GOPC: variants seen among roughly 807,000 people sequenced by gnomAD.
GOPC encodes the protein golgi associated PDZ and coiled-coil motif containing.
A neutral mutation model predicts 51.2 loss-of-function variants in GOPC; 32 were observed. The observed-to-expected ratio is 0.63, with a 90% CI of 0.47 to 0.84. The LOEUF (loss-of-function observed/expected upper bound fraction) is 0.84, where lower values mean the gene tolerates loss of function less well. Ranked by LOEUF, GOPC falls within the 40% of genes least tolerant of loss-of-function variation. The pLI, the probability that GOPC is intolerant of heterozygous loss-of-function variation, is 0.00. For synonymous variants in GOPC, 190 were observed against 205.1 expected (o/e 0.93, Z 0.63); for missense variants, 441 against 555.5 (o/e 0.79, Z 2.07).
intron 1 of GOPC, among the ~76,000 whole-genome samples, chr6:117,601,459 T>A (rs1010739788): frequency 3.3e-5 from 5 of 152,166 alleles, no homozygotes; most frequent in African/African-American, 1.2e-4. Flanking sequence ...CAACCAACTA[T>A]GGATGTAAAC....
chr6:117,568,199 C>G (rs930312303), intron 7 of GOPC, among the ~76,000 whole-genome samples: 3 of 151,528 alleles, frequency 2.0e-5, no homozygotes, highest in African/African-American at 7.3e-5. Context: ...GATCCTGGCT[C>G]CAAAAAAGAA....
At chr6:117,570,293 A>T (rs1352339776) in intron 6 of GOPC, among the ~76,000 whole-genome samples, 2 of 152,214 alleles carry the variant, frequency 1.3e-5, no homozygotes, top group South Asian at 4.2e-4. Context: ...TTATTATAAG[A>T]AACATTTCTA....
chr6:117,582,523 T>A (rs1464509976), intron 1 of GOPC, among the ~76,000 whole-genome samples: 1 of 151,410 alleles, frequency 6.6e-6, no homozygotes, highest in African/African-American at 2.4e-5. Context: ...CCCCCCATCC[T>A]GTGCCAGTAA....
At chr6:117,570,234 TA>T (rs554562772) in intron 6 of GOPC, among the ~76,000 whole-genome samples, 176 of 137,012 alleles carry the variant, frequency 1.3e-3, no homozygotes, top group Admixed American at 1.8e-3. Flanking sequence ...AGGCAGCACA[TA>T]AAAAAAAAAA....
chr6:117,593,705 A>G (rs1255290137), intron 1 of GOPC, among the ~76,000 whole-genome samples: 2 of 152,224 alleles, frequency 1.3e-5, no homozygotes, highest in Non-Finnish European at 2.9e-5. Flanking sequence ...AAGACTCAGA[A>G]GAGAGGTTGG....
In GOPC at chr6:117,573,529, C is replaced by A. The variant is rs1260790531; in HGVS notation, c.754G>T (p.Val252Leu). 5.6e-6 allele frequency: 9 copies of A among 1,614,044 alleles called. No individual in the cohort carries two copies. The highest frequency in any genetic ancestry group is 7.6e-6 in the Non-Finnish European group (9 of 1,179,984). The change falls in exon 5 of 9, where the codon GTG becomes TTG. Residue 252 changes from valine to leucine, a missense_variant. By Grantham distance (32) the Val-to-Leu change is conservative. Around this residue, in one of 3 missense-constraint regions of GOPC, gnomAD observed 166 missense variants for 267.0 expected, o/e 0.62. Transcript: ENST00000368498. ...TTACGTCCTCTGCAGGCTCGGATCACAGTTTTGTGACGATGCAAATGTATT... is the reference window on the plus strand; with the variant it reads ...TTACGTCCTCTGCAGGCTCGGATCAAAGTTTTGTGACGATGCAAATGTATT... ...AEIHLHRHKT[V>L]IRACRGRNDL...
chr6:117,581,665 T>A (rs748794061), intron 1 of GOPC, among the ~76,000 whole-genome samples: 1 of 152,214 alleles, frequency 6.6e-6, no homozygotes, highest in Non-Finnish European at 1.5e-5. Flanking sequence ...TGCACTTCAT[T>A]TTCAGCAATA....
intron 3 of GOPC, 80 bp downstream of exon 3, chr6:117,577,368 G>T: frequency 7.9e-7 from 1 of 1,266,248 alleles, no homozygotes; most frequent in South Asian, 1.4e-5. Context: ...TACAATGAGT[G>T]ACAACATATA....
At position 117,569,658 on chromosome 6, in the gene GOPC, G is replaced by A; in HGVS notation, c.991C>T (p.His331Tyr). The A allele has an allele frequency of 6.2e-7, 1 of 1,612,442 alleles. No individual in the cohort carries two copies. The highest frequency in any genetic ancestry group is 8.5e-7 in the Non-Finnish European group (1 of 1,179,476). The change falls in exon 7 of 9, where the codon CAC becomes TAC. Residue 331 changes from histidine (H) to tyrosine (Y), a missense_variant. Physicochemically the swap from His to Tyr is moderately conservative, Grantham distance 83 (BLOSUM62 2). Coordinates refer to ENST00000368498, the MANE Select transcript of GOPC (RefSeq NM_020399.4). ...GQPADRCGGL[H>Y]VGDAILAVNG... is the part of the protein sequence containing the mutation. Reference sequence around the variant, plus strand: ...ACTGCCAAAATAGCATCCCCAACGTGCAGCCCTCCGCATCTATCAGCAGGT... The same window carrying A: ...ACTGCCAAAATAGCATCCCCAACGTACAGCCCTCCGCATCTATCAGCAGGT...
In GOPC at chr6:117,591,678, T is replaced by C. The variant is rs553103927; in HGVS notation, c.285+10326A>G. On this transcript the variant is annotated intron_variant, in intron 1 of 8. Transcript: ENST00000368498. The stretch of plus-strand genomic sequence containing the variant: ...ACAGGTGCCATAAAAGAGCAAGGCC[T>C]ATTTACAGAACTGCAAATAGATCAG... 8.5e-5 allele frequency among the ~76,000 whole-genome samples: 13 copies of C among 152,274 alleles called. No homozygotes were observed. In the South Asian group the frequency reaches 2.5e-3, roughly 29 times the overall value.
Position 117,602,426 on chromosome 6 carries a change from A to C in GOPC, c.-138T>G, listed in dbSNP as rs1417282328. The C allele has an allele frequency of 1.3e-6, 1 of 798,746 alleles. No individual in the cohort carries two copies. Among genetic ancestry groups the C allele is most frequent in the African/African-American group, 1.7e-5 (1 of 57,406 alleles). 49.5% of individuals were successfully genotyped at this position (798,746 alleles called of 1,614,324 possible). On this transcript the variant is annotated 5_prime_UTR_variant, in exon 1 of 9. Coordinates refer to ENST00000368498, the MANE Select transcript of GOPC (RefSeq NM_020399.4). Reference sequence around the variant, plus strand: ...CCCTTCACCTCGCGCCGTTAACGCCAGCAGCACAGTCACAGAACCGCAGGA... The same window carrying C: ...CCCTTCACCTCGCGCCGTTAACGCCCGCAGCACAGTCACAGAACCGCAGGA...
At chr6:117,597,749 A>C (rs185666505) in intron 1 of GOPC, among the ~76,000 whole-genome samples, 1 of 152,228 alleles carries the variant, frequency 6.6e-6, no homozygotes, top group African/African-American at 2.4e-5. Flanking sequence ...TCAAAAAACT[A>C]AAAATAGAAC....
At chr6:117,571,735 A>C (rs145924045) in intron 5 of GOPC, among the ~76,000 whole-genome samples, 121 of 152,210 alleles carry the variant, frequency 7.9e-4, no homozygotes, top group Non-Finnish European at 1.4e-3. Context: ...TTCTGTGGTC[A>C]CCAGTAATCA....
intron 6 of GOPC, 50 bp from the exon 7 acceptor site, chr6:117,569,786 T>C (rs1779771028): frequency 2.0e-6 from 3 of 1,491,440 alleles, no homozygotes; most frequent in African/African-American, 1.4e-5. Flanking sequence ...TAAGGTACAG[T>C]TACCGATTAA....
At position 117,569,591 on chromosome 6, in the gene GOPC, A is replaced by G; in HGVS notation, c.1058T>C (p.Val353Ala). Reference sequence around the variant, plus strand: ...ATTTACCTGCTGAGAAAGAATAGTTACAGCTTCTTTATGCTTTGTGTCCCT... The same window carrying G: ...ATTTACCTGCTGAGAAAGAATAGTTGCAGCTTCTTTATGCTTTGTGTCCCT... ...NLRDTKHKEA[V>A]TILSQQRGEI... is the part of the protein sequence containing the mutation. The change falls in exon 7 of 9, where the codon GTA becomes GCA. Residue 353 changes from valine to alanine, a missense_variant. Physicochemically the swap from Val to Ala is moderately conservative, Grantham distance 64 (BLOSUM62 0). Around this residue, in one of 3 missense-constraint regions of GOPC, gnomAD observed 166 missense variants for 267.0 expected, o/e 0.62. Coordinates refer to ENST00000368498, the MANE Select transcript of GOPC (RefSeq NM_020399.4). 6.2e-7 allele frequency: 1 copy of G among 1,613,102 alleles called. No individual in the cohort carries two copies. Among genetic ancestry groups the G allele is most frequent in the Non-Finnish European group, 8.5e-7 (1 of 1,179,654 alleles).
In GOPC at chr6:117,563,508, G is replaced by A. The variant is rs1368565223; in HGVS notation, c.1259-124C>T. The A allele has an allele frequency of 2.7e-5, 23 of 846,366 alleles. 1 individual carries two copies. The highest frequency in any genetic ancestry group is 4.1e-5 in the Non-Finnish European group (22 of 532,736). The allele number at this position is 846,366 out of a possible 1,614,324, so 52.4% of individuals were successfully genotyped here. A position where few individuals can be genotyped will look rare whatever the true frequency, so the allele number is the denominator to read the frequency against. On this transcript the variant is annotated intron_variant, in intron 8 of 8. Transcript: ENST00000368498. ...AGGCCAAGGTGGGTGGATAACCTGAGGTTAGGGGTTCGAGACCAGCCTGGA... is the reference window on the plus strand; with the variant it reads ...AGGCCAAGGTGGGTGGATAACCTGAAGTTAGGGGTTCGAGACCAGCCTGGA...
chr6:117,571,802 A>T (rs1486050160), intron 5 of GOPC, among the ~76,000 whole-genome samples: 1 of 152,090 alleles, frequency 6.6e-6, no homozygotes, highest in Non-Finnish European at 1.5e-5. Flanking sequence ...ACTTGCAGAA[A>T]GTTGATACTG....
rs752384664 is a variant in GOPC, at chr6:117,566,944, G to A, written c.1168C>T (p.Arg390Cys). The A allele has an allele frequency of 2.4e-5, 38 of 1,611,478 alleles. No homozygotes were observed. Among genetic ancestry groups the A allele is most frequent in the Admixed American group, 5.0e-5 (3 of 59,574 alleles). The change falls in exon 8 of 9, where the codon CGT (arginine) becomes TGT (cysteine). Residue 390 changes from arginine to cysteine, a missense_variant. Around this residue, in one of 3 missense-constraint regions of GOPC, gnomAD observed 166 missense variants for 267.0 expected, o/e 0.62. Coordinates refer to ENST00000368498, the MANE Select transcript of GOPC (RefSeq NM_020399.4). ...AACTCATCAAGGTACAAACGGTAACGATGTCCACTCTCATCTTCATACTCT... is the reference window on the plus strand; with the variant it reads ...AACTCATCAAGGTACAAACGGTAACAATGTCCACTCTCATCTTCATACTCT... ...NVEYEDESGHRYRLYLDELEG... is the reference protein window; with the variant it reads ...NVEYEDESGHCYRLYLDELEG...
chr6:117,563,240 G>A lies in GOPC; in HGVS notation c.*14C>T, dbSNP rs369960082. The A allele has an allele frequency of 2.5e-6, 4 of 1,609,124 alleles. No individual in the cohort carries two copies. The highest frequency in any genetic ancestry group is 2.7e-5 in the African/African-American group (2 of 74,684). On this transcript the variant is annotated 3_prime_UTR_variant, in exon 9 of 9. Coordinates refer to ENST00000368498, the MANE Select transcript of GOPC (RefSeq NM_020399.4). Reference sequence around the variant, plus strand: ...ATAGTCTGATTAACAATCTTGTCTGGAGATATGGTCAATTTAATAAGATTT... The same window carrying A: ...ATAGTCTGATTAACAATCTTGTCTGAAGATATGGTCAATTTAATAAGATTT...
Sources: allele counts gnomAD v4.1 joint callset (sites outside exome capture counted in the v4.1 genomes callset), GRCh38; gene constraint gnomAD v4.1.1; regional missense constraint gnomAD v4.1.1; transcripts MANE v1.5; gene names NCBI Gene and HGNC (gene_info 2026-07-23, HGNC 2026-07-21).